The following PARVG variants were observed in gnomAD, a reference collection of about 807,000 sequenced individuals.
PARVG encodes the protein gamma-parvin.
Under a neutral mutation model 44.4 loss-of-function variants are expected in PARVG, and 36 were observed. The observed-to-expected ratio is 0.81, with a 90% CI of 0.62 to 1.07. The LOEUF (loss-of-function observed/expected upper bound fraction) is 1.07, where lower values mean the gene tolerates loss of function less well. Ranked by LOEUF, PARVG falls within the 50% of genes least tolerant of loss-of-function variation. The probability of loss-of-function intolerance (pLI) is 0.00; values close to 1 mark genes in which losing one functional copy is unlikely to be tolerated. For synonymous variants in PARVG, 170 were observed against 174.1 expected (o/e 0.98, Z 0.19); for missense variants, 407 against 407.4 (o/e 1.00, Z 0.01).
At chr22:44,197,387 G>C (rs1199076788) in intron 11 of PARVG, among the ~76,000 whole-genome samples, 1 of 152,212 alleles carries the variant, frequency 6.6e-6, no homozygotes, top group African/African-American at 2.4e-5. Flanking sequence ...ACTTACAGAG[G>C]AGGATGTTAA....
intron 12 of PARVG, 75 bp from the exon 13 acceptor site, chr22:44,205,681 GC>G: frequency 6.4e-7 from 1 of 1,558,810 alleles, no homozygotes; most frequent in South Asian, 1.1e-5. Context: ...AACAGGAAGG[GC>G]TTGGCACTTG....
intron 3 of PARVG, chr22:44,185,098 A>G (rs1050026344): frequency 6.6e-6 from 1 of 152,300 alleles, no homozygotes; most frequent in African/African-American, 2.4e-5. Context: ...ACAACAGCCC[A>G]TGACGCTGTT....
chr22:44,205,798 G>A lies in PARVG; in HGVS notation c.855G>A (p.Glu285=). ...TGGCGCTGGAGCTGCTGAAGGACGA[G>A]GGCCTGCTCAGCTGCCCTGTCAGCC... The part of the protein sequence containing the change: ...VTLALELLKD[E]GLLSCPVSPE... Residue 285 remains glutamate (E), a synonymous_variant, in exon 13 of 14, where the codon GAG becomes GAA. Coordinates refer to ENST00000444313, the MANE Select transcript of PARVG (RefSeq NM_022141.7). 1.2e-6 allele frequency: 2 copies of A among 1,613,532 alleles called. No homozygotes were observed.
At chr22:44,175,689 G>A (rs1168186111) in intron 1 of PARVG, among the ~76,000 whole-genome samples, 1 of 152,192 alleles carries the variant, frequency 6.6e-6, no homozygotes, top group Admixed American at 6.5e-5. Context: ...GGGTGTGGGG[G>A]GGTGGGGGTG....
Position 44,182,475 on chromosome 22 carries a change from CCCAGG to C in PARVG, c.-13+560_-13+564del, listed in dbSNP as rs2054397233. 6.6e-6 allele frequency among the ~76,000 whole-genome samples: 1 copy of C among 152,190 alleles called. No individual in the cohort carries two copies. ...CAGGATGGAGTCTGGCATCCCCCGC[CCCAGG>C]CTGGCTGCTGGTGTGACATGGGTGG... is the stretch of plus-strand genomic sequence containing the variant. On this transcript the variant is annotated intron_variant, in intron 2 of 13. Transcript: ENST00000444313. This position sits in a 1 kb window ranked among gnomAD's most constrained non-coding sequence, Gnocchi z 4.6.
In PARVG at chr22:44,206,493, G is replaced by A. The variant is rs1488650588; in HGVS notation, c.*67G>A. On this transcript the variant is annotated 3_prime_UTR_variant, in exon 14 of 14. Coordinates refer to ENST00000444313, the MANE Select transcript of PARVG (RefSeq NM_022141.7). Reference sequence around the variant, plus strand: ...GCTGGAGGGCCCGAGGCTGCAGGGTGTCCTCCCACAGTCCCGCTGTTTCCT... The same window carrying A: ...GCTGGAGGGCCCGAGGCTGCAGGGTATCCTCCCACAGTCCCGCTGTTTCCT... 3 of 1,400,806 alleles carry A rather than the reference G, an allele frequency of 2.1e-6. No individual in the cohort carries two copies. The highest frequency in any genetic ancestry group is 1.7e-5 in the Admixed American group (1 of 58,680). The allele number at this position is 1,400,806 out of a possible 1,614,324, so 86.8% of individuals were successfully genotyped here.
chr22:44,190,579 C>T lies in PARVG; in HGVS notation c.417C>T (p.Thr139=). The stretch of plus-strand genomic sequence containing the variant: ...TCTTCAACAAGGACCTGTTGTCTAC[C>T]CTGCACCTCCTTGTGGCCCTGGCCA... The part of the protein sequence containing the change: ...ESIFNKDLLS[T]LHLLVALAKR... Residue 139 remains threonine (T), a synonymous_variant, in exon 7 of 14, where the codon ACC becomes ACT. Coordinates refer to ENST00000444313, the MANE Select transcript of PARVG (RefSeq NM_022141.7). 2 of 1,614,198 alleles carry T rather than the reference C, an allele frequency of 1.2e-6. No homozygotes were observed. Among genetic ancestry groups the T allele is most frequent in the Admixed American group, 1.7e-5 (1 of 60,034 alleles).
At chr22:44,187,948 C>A in intron 5 of PARVG, 70 bp downstream of exon 5, 1 of 1,465,148 alleles carries the variant, frequency 6.8e-7, no homozygotes, top group Non-Finnish European at 9.5e-7. Flanking sequence ...CCAGGGCCCA[C>A]AGGTAGGCTC....
upstream of PARVG, among the ~76,000 whole-genome samples, chr22:44,176,125 CTG>C (rs1203250823): frequency 6.6e-6 from 1 of 152,210 alleles, no homozygotes; most frequent in Non-Finnish European, 1.5e-5. Context: ...GCCTGAAACA[CTG>C]TGCCGGAAAG....
At chr22:44,198,018 A>G (rs1188766107) in intron 11 of PARVG, among the ~76,000 whole-genome samples, 1 of 152,198 alleles carries the variant, frequency 6.6e-6, no homozygotes, top group Non-Finnish European at 1.5e-5. Flanking sequence ...TTGTATTACC[A>G]AGGAATAGCA....
In PARVG at chr22:44,189,098, C is replaced by T; in HGVS notation, c.248-16C>T. 6.2e-7 allele frequency: 1 copy of T among 1,613,858 alleles called. No homozygotes were observed. Among genetic ancestry groups the T allele is most frequent in the Non-Finnish European group, 8.5e-7 (1 of 1,180,012 alleles). ...GTCCCCGGCCAGGGGTCCTCACCAC[C>T]CTCTCCTGCCTCCAGAGAGGCTGGC... On this transcript the variant is annotated splice_polypyrimidine_tract_variant and intron_variant, in intron 5 of 13. Transcript: ENST00000444313.
At chr22:44,175,103 CAA>C (rs1160592234) in intron 1 of PARVG, among the ~76,000 whole-genome samples, 1 of 152,224 alleles carries the variant, frequency 6.6e-6, no homozygotes, top group East Asian at 1.9e-4. Context: ...GCCTAGGCAA[CAA>C]GAGGGAAACT....
upstream of PARVG, among the ~76,000 whole-genome samples, chr22:44,178,491 C>A (rs1378881812): frequency 6.6e-6 from 1 of 152,198 alleles, no homozygotes; most frequent in South Asian, 2.1e-4. Flanking sequence ...AATTCCAACA[C>A]TTCTTAAAGA....
At chr22:44,187,560 G>T (rs912024671) in intron 4 of PARVG, 17 of 603,244 alleles carry the variant, frequency 2.8e-5, no homozygotes, top group Non-Finnish European at 3.6e-5. Context: ...ACACTGCTCA[G>T]GTTTGTGATG....
intron 4 of PARVG, chr22:44,187,479 T>C: frequency 2.2e-6 from 1 of 453,474 alleles, no homozygotes; most frequent in Non-Finnish European, 4.0e-6. Context: ...CATTTCCCCA[T>C]TTTTGGGTAT....
chr22:44,181,294 A>G (rs1419190096), intron 1 of PARVG, 109 bp downstream of exon 1: 2 of 979,156 alleles, frequency 2.0e-6, no homozygotes, highest in Non-Finnish European at 2.4e-6. Context: ...GAAGTGACTC[A>G]CTCCTCCGAG....
At chr22:44,191,577 T>C (rs2147228731) in intron 7 of PARVG, among the ~76,000 whole-genome samples, 1 of 152,088 alleles carries the variant, frequency 6.6e-6, no homozygotes, top group East Asian at 1.9e-4. Flanking sequence ...TTTTGTATTT[T>C]TGGCAGAGAT....
At chr22:44,187,726 C>A in intron 4 of PARVG, 50 bp from the exon 5 acceptor site, 1 of 1,566,234 alleles carries the variant, frequency 6.4e-7, no homozygotes, top group South Asian at 1.1e-5. Flanking sequence ...GGTGGAGGGC[C>A]AGGTGAGAAG....
At chr22:44,178,594 C>T (rs1049311578), upstream of PARVG, among the ~76,000 whole-genome samples, 7 of 152,190 alleles carry the variant, frequency 4.6e-5, no homozygotes, top group Non-Finnish European at 7.4e-5. Context: ...CTGTGACCCA[C>T]AATCGGGAGA....
Sources: allele counts gnomAD v4.1 joint callset (sites outside exome capture counted in the v4.1 genomes callset), GRCh38; gene constraint gnomAD v4.1.1; non-coding constraint Gnocchi (gnomAD v3.1); transcripts MANE v1.5; gene names NCBI Gene and HGNC (gene_info 2026-07-23, HGNC 2026-07-21).